Variants in DST observed in about 807,000 individuals in gnomAD.
The protein encoded by DST is bullous pemphigoid antigen.
Under a neutral mutation model 875.2 loss-of-function variants are expected in DST, and 253 were observed. That is an observed-to-expected ratio of 0.29 (90% CI 0.26 to 0.32). The LOEUF is 0.32. DST is among the 10% of genes least tolerant of loss of function. The pLI is 1.00. For missense variants in DST, 8,287 were observed against 9,111.6 expected (o/e 0.91, Z 3.68); for synonymous variants, 3,124 against 3,197.1 (o/e 0.98, Z 0.77).
At chr6:56,648,836 G>T in intron 12 of DST, 147 bp from the exon 13 acceptor site, 1 of 686,606 alleles carries the variant, frequency 1.5e-6, no homozygotes, top group Non-Finnish European at 2.3e-6. Flanking sequence ...CTTTCACCCA[G>T]CCCCAATCCC....
intron 49 of DST, among the ~76,000 whole-genome samples, chr6:56,585,695 A>C (rs565969452): frequency 1.4e-3 from 205 of 150,806 alleles, no homozygotes; most frequent in African/African-American, 4.8e-3. Flanking sequence ...TTAGGGTGTC[A>C]ATTTTGGATC....
intron 9 of DST, among the ~76,000 whole-genome samples, chr6:56,683,422 C>T (rs972366328): frequency 3.9e-5 from 6 of 152,154 alleles, no homozygotes; most frequent in African/African-American, 7.2e-5. Context: ...TGTGCCAGTG[C>T]GGTAATCCAG....
intron 49 of DST, among the ~76,000 whole-genome samples, chr6:56,583,295 G>C (rs1258824440): frequency 6.6e-6 from 1 of 152,192 alleles, no homozygotes; most frequent in African/African-American, 2.4e-5. Context: ...ATTCTCACTG[G>C]TGTGAGATGG....
Position 56,508,649 on chromosome 6 carries a change from C to T in DST, c.19119G>A (p.Lys6373=), listed in dbSNP as rs754701703. Residue 6373 remains lysine, a synonymous_variant, in exon 75 of 104, where the codon AAG becomes AAA. Transcript: ENST00000680361. ...TCAATGACATGTGATCACACCAGAA[C>T]TTTTCTGCTAGCTCCATCACATCCA... The part of the protein sequence containing the change: ...KLLDVMELAE[K]FWCDHMSLIV... 3.1e-6 allele frequency: 5 copies of T among 1,613,830 alleles called. No homozygotes were observed. Among genetic ancestry groups the T allele is most frequent in the Non-Finnish European group, 4.2e-6 (5 of 1,179,794 alleles).
rs1268894825 is a variant in DST at position 56,605,999 on chromosome 6, C to T, written c.8629G>A (p.Val2877Ile). 1.2e-6 allele frequency: 2 copies of T among 1,612,616 alleles called. No homozygotes were observed. The highest frequency in any genetic ancestry group is 1.3e-5 in the African/African-American group (1 of 74,856). Residue 2877 changes from valine to isoleucine, a missense_variant, in exon 40 of 104, where the codon GTT (valine) becomes ATT (isoleucine). This residue lies in a region of DST where 3,138 missense variants were observed against 3,116.6 expected (regional missense o/e 1.01). Coordinates refer to ENST00000680361, the MANE Select transcript of DST (RefSeq NM_001374736.1). The part of the protein sequence containing the change: ...SSLEKQQRVN[V>I]VQLASPSENN... ...TCACTAGGTGATGCTAGCTGTACAA[C>T]ATTTACCCTTTGCTGTTTTTCTAAA...
intron 3 of DST, among the ~76,000 whole-genome samples, chr6:56,899,111 T>G (rs755579358): frequency 3.3e-5 from 5 of 152,212 alleles, no homozygotes; most frequent in Non-Finnish European, 7.3e-5. Context: ...AAAATGGGAA[T>G]CATAACATCT....
rs775597236 is a variant in DST, at chr6:56,503,982, AG to A, written c.19566+14del. The A allele has an allele frequency of 6.4e-7, 1 of 1,569,722 alleles. No individual in the cohort carries two copies. Among genetic ancestry groups the A allele is most frequent in the South Asian group, 1.2e-5 (1 of 83,740 alleles). On this transcript the variant is annotated intron_variant, in intron 78 of 103. Coordinates refer to ENST00000680361, the MANE Select transcript of DST (RefSeq NM_001374736.1). The stretch of plus-strand genomic sequence containing the variant: ...ACTGCAAGGGAGTCTTCGATAAATT[AG>A]CCCCCACACATACCTTTAGCTCTTC...
At chr6:56,571,347 A>G (rs528834465) in intron 53 of DST, among the ~76,000 whole-genome samples, 1 of 152,356 alleles carries the variant, frequency 6.6e-6, no homozygotes, top group African/African-American at 2.4e-5. Context: ...TCTTCTACGC[A>G]ATGTGAATTA....
intron 87 of DST, among the ~76,000 whole-genome samples, chr6:56,486,112 C>T (rs1363663179): frequency 3.3e-5 from 5 of 152,030 alleles, no homozygotes; most frequent in Admixed American, 2.6e-4. Context: ...GCCTGTAATC[C>T]CAGCACTTTG....
Position 56,535,017 on chromosome 6 carries a change from C to T in DST, c.16941+105G>A, listed in dbSNP as rs140470813. The stretch of plus-strand genomic sequence containing the variant: ...AAATAATGTCTACAGCAGCAACAAC[C>T]GGTTAACTAGGTTATCCTATTAATT... On this transcript the variant is annotated intron_variant, in intron 63 of 103. Coordinates refer to ENST00000680361, the MANE Select transcript of DST (RefSeq NM_001374736.1). The T allele has an allele frequency of 3.5e-3, 4,617 of 1,302,170 alleles. 125 individuals carry two copies. In the African/African-American group the frequency reaches 0.059, roughly 17 times the overall value. The allele number at this position is 1,302,170 out of a possible 1,614,324, so 80.7% of individuals were successfully genotyped here. A position where few individuals can be genotyped will look rare whatever the true frequency, so the allele number is the denominator to read the frequency against.
chr6:56,679,599 T>TTA (rs2099147127), intron 9 of DST, among the ~76,000 whole-genome samples: 1 of 111,864 alleles, frequency 8.9e-6, no homozygotes, highest in African/African-American at 3.5e-5. Context: ...TATGTCTCAT[T>TTA]AAAAAAAAAA....
At chr6:56,801,046 A>AC (rs397888594) in intron 4 of DST, among the ~76,000 whole-genome samples, 5 of 150,266 alleles carry the variant, frequency 3.3e-5, no homozygotes, top group Non-Finnish European at 7.4e-5. Flanking sequence ...AAAAAAAAAA[A>AC]CCTCCTATCT....
rs1162684698 is a variant in DST, at chr6:56,529,878, T to C, written c.17268+96A>G. On this transcript the variant is annotated intron_variant, in intron 65 of 103. Coordinates refer to ENST00000680361, the MANE Select transcript of DST (RefSeq NM_001374736.1). ...GCATGACATGTTAAATGGATTTAGTTTGCAATTAAACAAAACAATAGTACA... is the reference window on the plus strand; with the variant it reads ...GCATGACATGTTAAATGGATTTAGTCTGCAATTAAACAAAACAATAGTACA... 5 of 1,490,292 alleles carry C rather than the reference T, an allele frequency of 3.4e-6. No individual in the cohort carries two copies. In the East Asian group the frequency reaches 1.2e-4, roughly 35 times the overall value. 92.3% of individuals were successfully genotyped at this position (1,490,292 alleles called of 1,614,324 possible).
At chr6:56,537,416 T>C (rs750481625) in intron 61 of DST, among the ~76,000 whole-genome samples, 5 of 152,150 alleles carry the variant, frequency 3.3e-5, no homozygotes, top group East Asian at 1.9e-4. Context: ...GAGACTCACA[T>C]TGGAAATGGA....
At chr6:56,859,881 G>C (rs1050708876) in intron 3 of DST, among the ~76,000 whole-genome samples, 3 of 152,120 alleles carry the variant, frequency 2.0e-5, no homozygotes, top group Non-Finnish European at 2.9e-5. Context: ...TAAGGAGAGA[G>C]AGGCTAAATC....
intron 9 of DST, chr6:56,692,645 TTA>T (rs1395265541): frequency 7.8e-6 from 10 of 1,289,838 alleles, no homozygotes; most frequent in Non-Finnish European, 1.0e-5. Context: ...TCCTGGAATG[TTA>T]TTTCGCTTGT....
At chr6:56,903,268 T>C (rs1007144812) in intron 2 of DST, among the ~76,000 whole-genome samples, 3 of 152,192 alleles carry the variant, frequency 2.0e-5, no homozygotes, top group African/African-American at 7.2e-5. Context: ...CTCAGTGGAC[T>C]ACAAATTCTA....
At chr6:56,630,709 C>T (rs569347482) in intron 30 of DST, among the ~76,000 whole-genome samples, 5 of 152,146 alleles carry the variant, frequency 3.3e-5, no homozygotes, top group South Asian at 2.1e-4. Flanking sequence ...GAGGACCATA[C>T]ATTACACACT....
chr6:56,479,286 G>A (rs2095321217), intron 90 of DST, among the ~76,000 whole-genome samples: 1 of 152,210 alleles, frequency 6.6e-6, no homozygotes, highest in Non-Finnish European at 1.5e-5. Context: ...AACAAATGAT[G>A]TGGATGCTGA....
Sources: gnomAD v4.1 joint callset for allele counts (sites outside exome capture counted in the v4.1 genomes callset) on GRCh38, gnomAD v4.1.1 for gene constraint, gnomAD v4.1.1 regional missense constraint, MANE v1.5 for transcripts, NCBI Gene and HGNC (gene_info 2026-07-23, HGNC 2026-07-21) for gene names.